Variants in AXIN1 observed in about 807,000 individuals in gnomAD.
The protein encoded by AXIN1 is axin 1.
AXIN1 carries 30 observed loss-of-function variants against 76.4 expected under a neutral mutation model. The observed-to-expected ratio is 0.39, with a 90% CI of 0.29 to 0.53. The LOEUF (loss-of-function observed/expected upper bound fraction) is 0.53, where lower values mean the gene tolerates loss of function less well. Among genes scored for constraint, AXIN1 ranks in the 20% least tolerant of loss-of-function variants. The probability of loss-of-function intolerance (pLI) is 0.66; values close to 1 mark genes in which losing one functional copy is unlikely to be tolerated. For missense variants in AXIN1, 1,140 were observed against 1,198.8 expected, an observed-to-expected ratio of 0.95 and a Z score of 0.72; for synonymous variants, 545 against 501.4, an observed-to-expected ratio of 1.09 and a Z score of -1.16.
chr16:289,082 CTTT>C (rs1036143075), intron 10 of AXIN1, among the ~76,000 whole-genome samples: 1 of 104,648 alleles, frequency 9.6e-6, no homozygotes, highest in Non-Finnish European at 2.1e-5. Flanking sequence ...CCTTTTTCTT[CTTT>C]TTTTTTTTTT....
At chr16:352,164 GC>G (rs1273818587) in intron 1 of AXIN1, among the ~76,000 whole-genome samples, 1 of 151,772 alleles carries the variant, frequency 6.6e-6, no homozygotes, top group Non-Finnish European at 1.5e-5. Context: ...GCTGCTCCGT[GC>G]CCCGAGACGC....
chr16:304,108 G>C (rs565112208), intron 5 of AXIN1, among the ~76,000 whole-genome samples, 196 bp downstream of exon 5: 1 of 152,310 alleles, frequency 6.6e-6, no homozygotes, highest in East Asian at 1.9e-4. Flanking sequence ...GGGTGGCATG[G>C]GGCCGCTGGG....
Position 287,908 on chromosome 16 carries a change from G to A in AXIN1, c.*214C>T. The A allele has an allele frequency of 1.4e-6, 1 of 712,136 alleles. No individual in the cohort carries two copies. Among genetic ancestry groups the A allele is most frequent in the African/African-American group, 1.8e-5 (1 of 56,958 alleles). The allele number at this position is 712,136 out of a possible 1,614,324, so 44.1% of individuals were successfully genotyped here. ...GGCCCTCCAAGTATTGCTATGAGGA[G>A]TGGTCCAGGCTGCCTCCTTGGGGGC... On this transcript the variant is annotated 3_prime_UTR_variant, in exon 11 of 11. Coordinates refer to ENST00000262320, the MANE Select transcript of AXIN1 (RefSeq NM_003502.4).
Position 346,295 on chromosome 16 carries a change from T to A in AXIN1, c.731A>T (p.Asp244Val), listed in dbSNP as rs2141701612. The change falls in exon 2 of 11, where the codon GAT becomes GTT. Residue 244 changes from aspartate (D) to valine (V), a missense_variant. By Grantham distance (152) the Asp-to-Val change is radical. Coordinates refer to ENST00000262320, the MANE Select transcript of AXIN1 (RefSeq NM_003502.4). ...ISGYLPTLNE[D>V]EEWKCDQDMD... is the part of the protein sequence containing the mutation. The stretch of plus-strand genomic sequence containing the variant: ...GTCCTGGTCACACTTCCATTCCTCA[T>A]CTTCATTTAAGGTCGGCAGGTATCC... 1 of 1,614,190 alleles carries A rather than the reference T, an allele frequency of 6.2e-7. No homozygotes were observed.
chr16:333,122 C>T lies in AXIN1; in HGVS notation c.878+13026G>A, dbSNP rs899601224. ...CCGAGGCAGGCGGATCACCTGAGGTCGGGAGTTTGAGACCAGCCTGACCAA... is the reference window on the plus strand; with the variant it reads ...CCGAGGCAGGCGGATCACCTGAGGTTGGGAGTTTGAGACCAGCCTGACCAA... On this transcript the variant is annotated intron_variant, in intron 2 of 10. Coordinates refer to ENST00000262320, the MANE Select transcript of AXIN1 (RefSeq NM_003502.4). Among the ~76,000 whole-genome samples, 17 of 152,198 alleles carry T rather than the reference C, an allele frequency of 1.1e-4. No homozygotes were observed. In the East Asian group the frequency reaches 2.7e-3, roughly 24 times the overall value.
At chr16:324,076 G>A (rs1238041738) in intron 2 of AXIN1, among the ~76,000 whole-genome samples, 1 of 151,422 alleles carries the variant, frequency 6.6e-6, no homozygotes, top group African/African-American at 2.4e-5. Flanking sequence ...GGAGCCCAGT[G>A]CAGGAGAGCC....
chr16:332,604 T>C (rs2053716802), intron 2 of AXIN1, among the ~76,000 whole-genome samples: 1 of 144,836 alleles, frequency 6.9e-6, no homozygotes, highest in Non-Finnish European at 1.5e-5. Flanking sequence ...AAAAAAAAAT[T>C]ACACTTAACA....
chr16:329,689 T>C (rs2053654641), intron 2 of AXIN1, among the ~76,000 whole-genome samples: 1 of 152,052 alleles, frequency 6.6e-6, no homozygotes, highest in African/African-American at 2.4e-5. Flanking sequence ...AGTGGCGCAG[T>C]CTTGGCTCAC....
chr16:337,514 A>G (rs1490625235), intron 2 of AXIN1, among the ~76,000 whole-genome samples: 4 of 151,542 alleles, frequency 2.6e-5, no homozygotes, highest in Admixed American at 2.6e-4. Context: ...AAAAAAAAAA[A>G]AAAGCACTGG....
intron 2 of AXIN1, among the ~76,000 whole-genome samples, chr16:320,737 A>ATTTTTTT (rs201303569): frequency 6.7e-5 from 6 of 89,572 alleles, no homozygotes; most frequent in African/African-American, 1.5e-4. Context: ...ATATATATAT[A>ATTTTTTT]TATATATTTT....
intron 2 of AXIN1, among the ~76,000 whole-genome samples, chr16:320,815 C>CTGCAACCTCCGCCTCCTGGG (rs138748070): frequency 7.0e-6 from 1 of 143,570 alleles, no homozygotes; most frequent in African/African-American, 2.7e-5. Flanking sequence ...TCTCGGCTCA[C>CTGCAACCTCCGCCTCCTGGG]TACAACCTCC....
At chr16:306,479 G>A (rs1647230963) in intron 4 of AXIN1, among the ~76,000 whole-genome samples, 1 of 152,222 alleles carries the variant, frequency 6.6e-6, no homozygotes, top group African/African-American at 2.4e-5. Context: ...CCCTCCGTGT[G>A]TGTGGCCTTC....
At chr16:351,396 G>A (rs182644984) in intron 1 of AXIN1, among the ~76,000 whole-genome samples, 1 of 152,246 alleles carries the variant, frequency 6.6e-6, no homozygotes, top group East Asian at 1.9e-4. Flanking sequence ...GATCACCTGA[G>A]GTCAGGAGTT....
At chr16:347,742 A>G (rs1489128360) in intron 1 of AXIN1, among the ~76,000 whole-genome samples, 1 of 152,180 alleles carries the variant, frequency 6.6e-6, no homozygotes. Flanking sequence ...ACACGCCTCA[A>G]AGAGAGATAA....
chr16:335,283 A>G (rs1452222929), intron 2 of AXIN1, among the ~76,000 whole-genome samples: 2 of 152,138 alleles, frequency 1.3e-5, no homozygotes, highest in Non-Finnish European at 2.9e-5. Context: ...CAGTGCCTCT[A>G]CTTACGTCAC....
At chr16:288,917 C>G (rs1406101017) in intron 10 of AXIN1, among the ~76,000 whole-genome samples, 1 of 152,240 alleles carries the variant, frequency 6.6e-6, no homozygotes, top group Non-Finnish European at 1.5e-5. Context: ...GGTCTGGCCT[C>G]TGTTTTCCCA....
chr16:314,513 G>T (rs1398302208), intron 3 of AXIN1, 30 bp downstream of exon 3: 1 of 1,612,674 alleles, frequency 6.2e-7, no homozygotes, highest in African/African-American at 1.3e-5. Flanking sequence ...TGCTGTCCGT[G>T]AGGGACTGGG....
At position 288,005 on chromosome 16, in the gene AXIN1, G is replaced by A; in HGVS notation, c.*117C>T. ...TAGACACGGGTAGACCACAGGGATG[G>A]GTGGTACACCCAACACTGTTCCCCA... On this transcript the variant is annotated 3_prime_UTR_variant, in exon 11 of 11. Transcript: ENST00000262320. 3 of 1,534,544 alleles carry A rather than the reference G, an allele frequency of 2.0e-6. No homozygotes were observed. Among genetic ancestry groups the A allele is most frequent in the Admixed American group, 1.7e-5 (1 of 59,872 alleles).
intron 4 of AXIN1, among the ~76,000 whole-genome samples, chr16:307,190 C>T (rs1360263511): frequency 1.3e-5 from 2 of 152,114 alleles, no homozygotes; most frequent in African/African-American, 4.8e-5. Flanking sequence ...ATGAAAAGCC[C>T]ATCATCAGGC....
Sources: allele counts gnomAD v4.1 joint callset (sites outside exome capture counted in the v4.1 genomes callset), GRCh38; gene constraint gnomAD v4.1.1; transcripts MANE v1.5; gene names NCBI Gene and HGNC (gene_info 2026-07-23, HGNC 2026-07-21).